Variants in FBN1 observed in about 807,000 individuals in gnomAD.
FBN1 encodes the protein fibrillin-1.
FBN1 carries 29 observed loss-of-function variants against 365.1 expected under a neutral mutation model. The observed-to-expected ratio is 0.08, with a 90% CI of 0.06 to 0.11. The LOEUF (loss-of-function observed/expected upper bound fraction) is 0.11, where lower values mean the gene tolerates loss of function less well. Ranked by LOEUF, FBN1 falls within the 10% of genes least tolerant of loss-of-function variation. The probability of loss-of-function intolerance (pLI) is 1.00; values close to 1 mark genes in which losing one functional copy is unlikely to be tolerated. For synonymous variants in FBN1, 1,210 were observed against 1,270.5 expected (o/e 0.95, Z 1.01); for missense variants, 2,476 against 3,703.2 (o/e 0.67, Z 8.60).
chr15:48,430,764 C>T lies in FBN1; in HGVS notation c.6778G>A (p.Glu2260Lys), dbSNP rs779702738. 5 of 1,613,730 alleles carry T rather than the reference C, an allele frequency of 3.1e-6. No homozygotes were observed. The highest frequency in any genetic ancestry group is 3.3e-5 in the Admixed American group (2 of 59,982). Residue 2260 changes from glutamate to lysine, a missense_variant, in exon 56 of 66, where the codon GAA (glutamate) becomes AAA (lysine). Glu to Lys is a moderately conservative substitution (Grantham distance 56). Coordinates refer to ENST00000316623, the MANE Select transcript of FBN1 (RefSeq NM_000138.5). The stretch of plus-strand genomic sequence containing the variant: ...AGGTTCTTGCATTCCATTTGTTTTT[C>T]AGTACAGTCATGTTTTCCCTCTTCA... ...ECEEGKHDCT[E>K]KQMECKNLIG...
At chr15:48,415,485 A>T in intron 64 of FBN1, 51 bp downstream of exon 64, 1 of 1,355,244 alleles carries the variant, frequency 7.4e-7, no homozygotes. Flanking sequence ...ATACTTAATT[A>T]TATTACGAAT....
intron 7 of FBN1, among the ~76,000 whole-genome samples, chr15:48,535,964 A>C (rs12906911): frequency 0.15 from 22,970 of 152,156 alleles, 1,882 homozygotes; most frequent in East Asian, 0.36. Flanking sequence ...AATATAGACA[A>C]GGCAATTCTC....
intron 38 of FBN1, among the ~76,000 whole-genome samples, chr15:48,467,564 T>G (rs183025834): frequency 6.6e-6 from 1 of 152,338 alleles, no homozygotes; most frequent in East Asian, 1.9e-4. Flanking sequence ...ATTGCTTCTC[T>G]TCAAACCCCG....
At chr15:48,560,769 A>G (rs1009860345) in intron 6 of FBN1, among the ~76,000 whole-genome samples, 3 of 152,148 alleles carry the variant, frequency 2.0e-5, no homozygotes, top group African/African-American at 7.2e-5. Flanking sequence ...TCATATACTC[A>G]AGGACTTGGA....
At chr15:48,411,400 A>G (rs1328281353) in intron 65 of FBN1, 21 bp from the exon 66 acceptor site, 3 of 1,610,684 alleles carry the variant, frequency 1.9e-6, no homozygotes, top group African/African-American at 1.3e-5. Flanking sequence ...ACATGGCAAT[A>G]TGTTAAATAC....
chr15:48,599,819 G>C (rs539451646), intron 5 of FBN1, among the ~76,000 whole-genome samples: 5 of 152,334 alleles, frequency 3.3e-5, no homozygotes, highest in African/African-American at 1.2e-4. Flanking sequence ...CAGCAAGTGG[G>C]TGGAAGGTAT....
rs2141240830 is a variant in FBN1, at chr15:48,437,326, T to G, written c.6375A>C (p.Ala2125=). ...AATCCAGCACAGGCAACTGACCAAC[T>G]GCTGAATCATCAGGTCCCACGATGA... The part of the protein sequence containing the change: ...SGIIVGPDDS[A]VDMDECKEPD... Residue 2125 remains alanine (A), a synonymous_variant, in exon 52 of 66, where the codon GCA becomes GCC. Transcript: ENST00000316623. 6.2e-6 allele frequency: 10 copies of G among 1,613,324 alleles called. No individual in the cohort carries two copies. The highest frequency in any genetic ancestry group is 8.5e-6 in the Non-Finnish European group (10 of 1,179,440).
At chr15:48,515,358 T>C in intron 12 of FBN1, 29 bp downstream of exon 12, 1 of 1,613,534 alleles carries the variant, frequency 6.2e-7, no homozygotes, top group Non-Finnish European at 8.5e-7. Context: ...CAACAGACCC[T>C]TGGTGCCAAC....
Position 48,409,635 on chromosome 15 carries a change from G to A in FBN1, c.*1355C>T, listed in dbSNP as rs1382737287. The A allele has an allele frequency of 6.6e-6, 1 of 152,084 alleles. No homozygotes were observed. The highest frequency in any genetic ancestry group is 1.5e-5 in the Non-Finnish European group (1 of 68,018). 9.4% of individuals were successfully genotyped at this position (152,084 alleles called of 1,614,324 possible). A position where few individuals can be genotyped will look rare whatever the true frequency, so the allele number is the denominator to read the frequency against. On this transcript the variant is annotated 3_prime_UTR_variant, in exon 66 of 66. Transcript: ENST00000316623. ...TGGGATTATCCCTTTGTAATTAGAT[G>A]AGCATTGACTAACGAAAGATGTTTA...
At chr15:48,587,978 T>A (rs2044449723) in intron 6 of FBN1, among the ~76,000 whole-genome samples, 1 of 152,214 alleles carries the variant, frequency 6.6e-6, no homozygotes, top group South Asian at 2.1e-4. Context: ...TCTCTTTGAT[T>A]TTCTAAGATG....
chr15:48,448,744 A>T (rs2043177967), intron 46 of FBN1, 24 bp downstream of exon 46: 5 of 1,608,174 alleles, frequency 3.1e-6, no homozygotes, highest in Non-Finnish European at 4.2e-6. Context: ...CATATGAAAA[A>T]AATAATAATA....
chr15:48,641,661 A>C (rs991677069), intron 2 of FBN1: 2 of 152,234 alleles, frequency 1.3e-5, no homozygotes, highest in African/African-American at 4.8e-5. Context: ...TAAACTGTGC[A>C]TCTCCAATCA....
chr15:48,479,392 C>T (rs938019646), intron 32 of FBN1, among the ~76,000 whole-genome samples: 4 of 152,142 alleles, frequency 2.6e-5, no homozygotes, highest in Admixed American at 2.6e-4. Context: ...GTGATTTGTT[C>T]AAGATCATGA....
intron 6 of FBN1, among the ~76,000 whole-genome samples, chr15:48,570,157 A>C (rs945111784): frequency 1.3e-5 from 2 of 152,196 alleles, no homozygotes; most frequent in Non-Finnish European, 2.9e-5. Context: ...TCACTGGATA[A>C]GTAAGCTTTA....
rs376040442 is a variant in FBN1, at chr15:48,495,154, C to G, written c.2646G>C (p.Ala882=). The G allele has an allele frequency of 8.1e-6, 13 of 1,614,116 alleles. No individual in the cohort carries two copies. The highest frequency in any genetic ancestry group is 1.1e-5 in the Non-Finnish European group (13 of 1,180,012). ...KSQCCSSLGA[A]WGSPCTLCQV... ...GGCATAGGGTGCACGGGCTTCCCCA[C>G]GCAGCACCGAGGGAGGAGCAGCACT... The change falls in exon 22 of 66, where the codon GCG becomes GCC. Residue 882 remains alanine (A), a synonymous_variant. Transcript: ENST00000316623.
In FBN1 at chr15:48,425,462, G is replaced by T. The variant is rs1166405014; in HGVS notation, c.7360C>A (p.Pro2454Thr). The change falls in exon 60 of 66, where the codon CCC becomes ACC. Residue 2454 changes from proline to threonine, a missense_variant. Transcript: ENST00000316623. ...DLNECNQAPK[P>T]CNFICKNTEG... ...GTGTTTTTGCAGATAAAATTGCAGG[G>T]TTTGGGAGCCTGGTTGCACTCGTTC... is the stretch of plus-strand genomic sequence containing the variant. 9 of 1,614,006 alleles carry T rather than the reference G, an allele frequency of 5.6e-6. No homozygotes were observed. Among genetic ancestry groups the T allele is most frequent in the African/African-American group, 1.3e-5 (1 of 74,916 alleles).
chr15:48,625,112 C>T (rs1889850846), intron 2 of FBN1, among the ~76,000 whole-genome samples: 1 of 152,164 alleles, frequency 6.6e-6, no homozygotes, highest in Non-Finnish European at 1.5e-5. Context: ...GTTCCGAATG[C>T]TGTCAGCCCC....
At chr15:48,486,128 G>T (rs533566120) in intron 29 of FBN1, among the ~76,000 whole-genome samples, 14 of 152,308 alleles carry the variant, frequency 9.2e-5, no homozygotes, top group African/African-American at 3.1e-4. Flanking sequence ...CATTTGCAAT[G>T]CAGGAGAAGT....
At chr15:48,484,795 G>T (rs1566908780) in intron 30 of FBN1, among the ~76,000 whole-genome samples, 1 of 152,166 alleles carries the variant, frequency 6.6e-6, no homozygotes, top group African/African-American at 2.4e-5. Context: ...CAAAATCAAA[G>T]CCTATGTTAT....
Sources: allele counts gnomAD v4.1 joint callset (sites outside exome capture counted in the v4.1 genomes callset), GRCh38; gene constraint gnomAD v4.1.1; transcripts MANE v1.5; gene names NCBI Gene and HGNC (gene_info 2026-07-23, HGNC 2026-07-21).